Variants in DOCK2 observed in about 807,000 individuals in gnomAD.
DOCK2 encodes dedicator of cytokinesis 2.
In DOCK2, 87 loss-of-function variants were observed where a neutral mutation model predicts 248.9. That is an observed-to-expected ratio of 0.35 (90% CI 0.29 to 0.42). DOCK2 has a LOEUF of 0.42. Ranked by LOEUF, DOCK2 falls within the 10% of genes least tolerant of loss-of-function variation. DOCK2 has a pLI of 1.00. For synonymous variants in DOCK2, 805 were observed against 821.6 expected (o/e 0.98, Z 0.35); for missense variants, 1,747 against 2,300.2 (o/e 0.76, Z 4.92).
At chr5:169,852,026 C>T (rs974286287) in intron 27 of DOCK2, among the ~76,000 whole-genome samples, 2 of 152,086 alleles carry the variant, frequency 1.3e-5, no homozygotes, top group Non-Finnish European at 2.9e-5. Context: ...AAGCTGGTGC[C>T]AAAGCTGGGG....
rs1312393586 is a variant in DOCK2 at position 170,045,875 on chromosome 5, C to A, written c.3936C>A (p.Ile1312=). The part of the protein sequence containing the change: ...KELAEQYEME[I]FDYELLSQNL... The stretch of plus-strand genomic sequence containing the variant: ...TGGCGGAACAGTACGAGATGGAGAT[C>A]TTTGACTATGAGCTGCTCAGCCAGA... Residue 1312 remains isoleucine, a synonymous_variant, in exon 39 of 52, where the codon ATC becomes ATA. Transcript: ENST00000520908. 2 of 1,614,166 alleles carry A rather than the reference C, an allele frequency of 1.2e-6. No individual in the cohort carries two copies. The highest frequency in any genetic ancestry group is 1.7e-5 in the Admixed American group (1 of 60,026).
At chr5:169,850,068 T>C (rs1164300013) in intron 27 of DOCK2, among the ~76,000 whole-genome samples, 1 of 152,196 alleles carries the variant, frequency 6.6e-6, no homozygotes, top group Non-Finnish European at 1.5e-5. Flanking sequence ...GCAGAATAAC[T>C]GGATTGAGTG....
intron 22 of DOCK2, among the ~76,000 whole-genome samples, chr5:169,743,469 G>A (rs1023887794): frequency 2.0e-5 from 3 of 152,118 alleles, no homozygotes; most frequent in African/African-American, 7.2e-5. Flanking sequence ...TCTGTGCTTA[G>A]GAATCAAGAA....
intron 6 of DOCK2, among the ~76,000 whole-genome samples, chr5:169,679,194 CA>C (rs1051300649): frequency 1.3e-5 from 2 of 152,198 alleles, no homozygotes; most frequent in African/African-American, 4.8e-5. Context: ...TGCGTGCCAC[CA>C]TGCCCAGCTG....
chr5:169,947,646 G>T (rs879117675), intron 27 of DOCK2, among the ~76,000 whole-genome samples: 8 of 152,258 alleles, frequency 5.3e-5, no homozygotes, highest in Admixed American at 2.6e-4. Flanking sequence ...AAATGAAAAT[G>T]AATATCCCCA....
intron 38 of DOCK2, among the ~76,000 whole-genome samples, chr5:170,044,695 G>T (rs1294961761): frequency 6.6e-6 from 1 of 152,162 alleles, no homozygotes; most frequent in Non-Finnish European, 1.5e-5. Flanking sequence ...TGAGCTGTCC[G>T]TGGGTTTACA....
chr5:169,712,145 T>A lies in DOCK2; in HGVS notation c.1581T>A (p.Phe527Leu), dbSNP rs1466162140. Residue 527 changes from phenylalanine to leucine, a missense_variant, in exon 17 of 52, where the codon TTT becomes TTA. Coordinates refer to ENST00000520908, the MANE Select transcript of DOCK2 (RefSeq NM_004946.3). ...LESKDKGEKN[F>L]AMSYVKLMKE... Reference sequence around the variant, plus strand: ...CTAAAGATAAAGGAGAAAAGAACTTTGCCATGTCCTATGTGAAGCTGATGA... The same window carrying A: ...CTAAAGATAAAGGAGAAAAGAACTTAGCCATGTCCTATGTGAAGCTGATGA... 6.2e-7 allele frequency: 1 copy of A among 1,614,024 alleles called. No homozygotes were observed. Among genetic ancestry groups the A allele is most frequent in the Non-Finnish European group, 8.5e-7 (1 of 1,179,978 alleles).
chr5:169,936,926 A>T (rs1776026735), intron 27 of DOCK2, among the ~76,000 whole-genome samples: 1 of 152,178 alleles, frequency 6.6e-6, no homozygotes, highest in African/African-American at 2.4e-5. Context: ...CTTACAGAAA[A>T]ATCAAACAAA....
At chr5:169,954,910 T>G (rs1776801506) in intron 27 of DOCK2, among the ~76,000 whole-genome samples, 1 of 152,172 alleles carries the variant, frequency 6.6e-6, no homozygotes, top group Non-Finnish European at 1.5e-5. Context: ...GGGTGAAATA[T>G]GAGCAGACGT....
chr5:169,637,477 C>G (rs776402489), intron 1 of DOCK2, 108 bp downstream of exon 1: 4 of 1,219,692 alleles, frequency 3.3e-6, no homozygotes, highest in Non-Finnish European at 4.2e-6. Flanking sequence ...GGCGCGCTGC[C>G]TGCAGGTCAG....
At chr5:169,925,176 C>G (rs1775368397) in intron 27 of DOCK2, among the ~76,000 whole-genome samples, 1 of 152,140 alleles carries the variant, frequency 6.6e-6, no homozygotes, top group Non-Finnish European at 1.5e-5. Flanking sequence ...AAAGGGGACT[C>G]TGTAGTAGGG....
chr5:169,820,825 T>C (rs757797728), intron 26 of DOCK2, among the ~76,000 whole-genome samples: 9 of 152,158 alleles, frequency 5.9e-5, no homozygotes, highest in Non-Finnish European at 1.3e-4. Flanking sequence ...TACTCTGAGC[T>C]AAAGGAGGAA....
In DOCK2 at chr5:169,958,539, A is replaced by T. The variant is rs115207098; in HGVS notation, c.2800-24529A>T. On this transcript the variant is annotated intron_variant, in intron 27 of 51. Coordinates refer to ENST00000520908, the MANE Select transcript of DOCK2 (RefSeq NM_004946.3). ...ATTAGCCCAGCCCCCTTTCCGTCTT[A>T]CTATTAAAATAGAGGACAAAAGGGG... Among the ~76,000 whole-genome samples, 902 of 152,176 alleles carry T rather than the reference A, an allele frequency of 5.9e-3. 11 individuals are homozygous for T. Among genetic ancestry groups the T allele is most frequent in the African/African-American group, 0.02 (826 of 41,516 alleles).
chr5:169,779,207 A>G (rs1228996800), intron 25 of DOCK2: 4 of 152,254 alleles, frequency 2.6e-5, no homozygotes, highest in Non-Finnish European at 4.4e-5. Flanking sequence ...AAAGGCCCTG[A>G]AAGAGGAAGT....
rs1330416154 is a variant in DOCK2 at position 170,047,627 on chromosome 5, G to A, written c.4071+13G>A. The A allele has an allele frequency of 6.8e-6, 11 of 1,612,780 alleles. 1 individual carries two copies. Among genetic ancestry groups the A allele is most frequent in the Middle Eastern group, 3.3e-4 (2 of 6,076 alleles). On this transcript the variant is annotated intron_variant, in intron 40 of 51. Transcript: ENST00000520908. ...CTCCTTCCTGCGGGTGAGTTTGGGG[G>A]TGACTTGGACACCAGGCGAGAGCCC...
chr5:170,064,373 G>A (rs1409761518), intron 44 of DOCK2, among the ~76,000 whole-genome samples: 1 of 152,028 alleles, frequency 6.6e-6, no homozygotes, highest in Non-Finnish European at 1.5e-5. Context: ...GGACAGGAGA[G>A]CAATGCAAGA....
intron 14 of DOCK2, among the ~76,000 whole-genome samples, chr5:169,705,428 A>C (rs1761211916): frequency 6.6e-6 from 1 of 152,152 alleles, no homozygotes; most frequent in Non-Finnish European, 1.5e-5. Flanking sequence ...AGTATGGGAT[A>C]GTGGTTAAGA....
chr5:169,693,526 A>G (rs974468521), intron 9 of DOCK2, among the ~76,000 whole-genome samples: 10 of 152,196 alleles, frequency 6.6e-5, no homozygotes, highest in Admixed American at 1.3e-4. Context: ...TGAATTCATA[A>G]GAGATTTCAG....
intron 38 of DOCK2, among the ~76,000 whole-genome samples, chr5:170,044,602 G>A (rs1160871425): frequency 6.6e-6 from 1 of 152,028 alleles, no homozygotes; most frequent in African/African-American, 2.4e-5. Flanking sequence ...CAAACTTCAG[G>A]TTCAAGGTGA....
Sources: gnomAD v4.1 joint callset for allele counts (sites outside exome capture counted in the v4.1 genomes callset) on GRCh38, gnomAD v4.1.1 for gene constraint, MANE v1.5 for transcripts, NCBI Gene and HGNC (gene_info 2026-07-23, HGNC 2026-07-21) for gene names.